The following TLN2 variants were observed in gnomAD, a reference collection of about 807,000 sequenced individuals.
The protein encoded by TLN2 is talin 2.
Under a neutral mutation model 294.7 loss-of-function variants are expected in TLN2, and 118 were observed. The observed-to-expected ratio is 0.40, with a 90% CI of 0.34 to 0.47. The LOEUF is 0.47. Among genes scored for constraint, TLN2 ranks in the 20% least tolerant of loss-of-function variants. The pLI is 0.84. For synonymous variants in TLN2, 1,431 were observed against 1,304.5 expected (o/e 1.10, Z -2.09); for missense variants, 3,083 against 3,282.2 (o/e 0.94, Z 1.48).
At chr15:62,404,433 T>C (rs556326180) in intron 1 of TLN2, among the ~76,000 whole-genome samples, 1 of 152,284 alleles carries the variant, frequency 6.6e-6, no homozygotes, top group South Asian at 2.1e-4. Flanking sequence ...AGAGTCCACT[T>C]CTTCACAGGG....
At chr15:62,528,517 G>GGTCC (rs2040857991) in intron 1 of TLN2, among the ~76,000 whole-genome samples, 1 of 152,104 alleles carries the variant, frequency 6.6e-6, no homozygotes, top group Admixed American at 6.6e-5. Context: ...CCAGTGGCAT[G>GGTCC]GTCCTGAGGG....
chr15:62,413,465 T>C (rs1182026361), intron 1 of TLN2, among the ~76,000 whole-genome samples: 1 of 152,034 alleles, frequency 6.6e-6, no homozygotes, highest in African/African-American at 2.4e-5. Flanking sequence ...GAAAGAAAAA[T>C]CTCAAGCCAG....
chr15:62,748,791 G>C (rs2061757067), intron 33 of TLN2, among the ~76,000 whole-genome samples: 1 of 152,188 alleles, frequency 6.6e-6, no homozygotes, highest in South Asian at 2.1e-4. Context: ...AAAAATATTG[G>C]AGAGATTATT....
rs1163764539 is a variant in TLN2, at chr15:62,719,886, AGGGCTGTGGTCACCTT to A, written c.2991+12_2991+27del. The stretch of plus-strand genomic sequence containing the variant: ...CCAGCCAGAACTTCCTCCAGGTAAC[AGGGCTGTGGTCACCTT>A]GGGCTCACTCAGAGCCCTCTTCTGG... On this transcript the variant is annotated splice_region_variant and intron_variant, in intron 25 of 58. Coordinates refer to ENST00000636159, the MANE Select transcript of TLN2 (RefSeq NM_015059.3). The A allele has an allele frequency of 1.2e-6, 2 of 1,601,236 alleles. No homozygotes were observed.
At position 62,805,755 on chromosome 15, in the gene TLN2, A is replaced by G. The variant is rs1426036387; in HGVS notation, c.6633A>G (p.Lys2211=). Residue 2211 remains lysine (K), a synonymous_variant, in exon 51 of 59, where the codon AAA becomes AAG. Coordinates refer to ENST00000636159, the MANE Select transcript of TLN2 (RefSeq NM_015059.3). ...TTGCTACTGCCAACCTGAGCCGGAA[A>G]GCCGTGTCAGATATGTTGACGGCTT... is the stretch of plus-strand genomic sequence containing the variant. ...DVIATANLSR[K]AVSDMLTACK... is the part of the protein sequence containing the mutation. 2 of 1,614,106 alleles carry G rather than the reference A, an allele frequency of 1.2e-6. No homozygotes were observed. Among genetic ancestry groups the G allele is most frequent in the South Asian group, 1.1e-5 (1 of 91,064 alleles).
At chr15:62,545,785 C>T (rs2140535763) in intron 1 of TLN2, among the ~76,000 whole-genome samples, 1 of 152,258 alleles carries the variant, frequency 6.6e-6, no homozygotes, top group South Asian at 2.1e-4. Context: ...GTGGCAGGGC[C>T]TTATTCTGAT....
intron 6 of TLN2, among the ~76,000 whole-genome samples, chr15:62,652,417 C>G (rs538400555): frequency 6.6e-6 from 1 of 152,122 alleles, no homozygotes; most frequent in African/African-American, 2.4e-5. Context: ...CCATTGCTGC[C>G]TTCTATTCTA....
chr15:62,558,140 C>T (rs1260321884), intron 1 of TLN2, among the ~76,000 whole-genome samples: 3 of 152,144 alleles, frequency 2.0e-5, no homozygotes, highest in African/African-American at 4.8e-5. Context: ...TAATTTAAAT[C>T]GTGTTTGTAT....
intron 1 of TLN2, among the ~76,000 whole-genome samples, chr15:62,572,677 C>T (rs901284390): frequency 5.3e-5 from 8 of 152,194 alleles, no homozygotes; most frequent in African/African-American, 1.9e-4. Context: ...GAGTCCGGAT[C>T]GATGCTTCCT....
intron 52 of TLN2, among the ~76,000 whole-genome samples, chr15:62,814,319 AT>A (rs2066914610): frequency 1.3e-5 from 2 of 152,240 alleles, no homozygotes; most frequent in African/African-American, 4.8e-5. Flanking sequence ...GTCATTGTTT[AT>A]TTTATTGACT....
Position 62,806,930 on chromosome 15 carries a change from G to C in TLN2, c.6663+1145G>C, listed in dbSNP as rs753947682. Among the ~76,000 whole-genome samples, 191 of 152,266 alleles carry C rather than the reference G, an allele frequency of 1.3e-3. 1 individual carries two copies. Among genetic ancestry groups the C allele is most frequent in the Middle Eastern group, 3.4e-3 (1 of 294 alleles). Reference sequence around the variant, plus strand: ...GATCCAACTCTTATGGCTTCTTGGTGGCTCCTCAGAAGGAGAGGGAGGTAA... The same window carrying C: ...GATCCAACTCTTATGGCTTCTTGGTCGCTCCTCAGAAGGAGAGGGAGGTAA... On this transcript the variant is annotated intron_variant, in intron 51 of 58. Transcript: ENST00000636159.
chr15:62,428,639 A>G (rs2034846059), intron 1 of TLN2, among the ~76,000 whole-genome samples: 1 of 152,124 alleles, frequency 6.6e-6, no homozygotes, highest in Non-Finnish European at 1.5e-5. Flanking sequence ...CCCACAACTG[A>G]ATGTGGTAAA....
At chr15:62,823,487 C>A (rs2067758622) in intron 54 of TLN2, among the ~76,000 whole-genome samples, 1 of 152,182 alleles carries the variant, frequency 6.6e-6, no homozygotes. Context: ...ATCCCTATAA[C>A]CCTACCCTGG....
chr15:62,699,005 T>G (rs149457751), intron 16 of TLN2, 138 bp downstream of exon 16: 13 of 821,054 alleles, frequency 1.6e-5, no homozygotes, highest in Middle Eastern at 5.1e-4. Context: ...GGATATTGAG[T>G]CTTTGCCTCT....
chr15:62,597,611 C>G (rs970638687), intron 2 of TLN2, among the ~76,000 whole-genome samples: 3 of 152,160 alleles, frequency 2.0e-5, no homozygotes, highest in African/African-American at 7.2e-5. Flanking sequence ...CAGGGCTCAG[C>G]AAATGCCAGT....
intron 1 of TLN2, among the ~76,000 whole-genome samples, chr15:62,548,673 C>G (rs1170839090): frequency 6.6e-6 from 1 of 152,120 alleles, no homozygotes. Context: ...CCTGTTCATC[C>G]CACAGCTAAT....
At chr15:62,659,128 C>T (rs1192375382) in intron 9 of TLN2, among the ~76,000 whole-genome samples, 1 of 152,212 alleles carries the variant, frequency 6.6e-6, no homozygotes, top group Non-Finnish European at 1.5e-5. Context: ...CCACCATGGT[C>T]ATTTTATTAG....
intron 3 of TLN2, among the ~76,000 whole-genome samples, chr15:62,626,048 T>C (rs2049261037): frequency 6.6e-6 from 1 of 152,204 alleles, no homozygotes; most frequent in African/African-American, 2.4e-5. Context: ...TCCTATACCC[T>C]TGACTTCCAG....
intron 2 of TLN2, 46 bp downstream of exon 2, chr15:62,589,808 C>T (rs2045940524): frequency 6.6e-6 from 1 of 152,138 alleles, no homozygotes; most frequent in Admixed American, 6.5e-5. Flanking sequence ...ATTGGCCAAT[C>T]CCCTGCATTG....
Sources: allele counts gnomAD v4.1 joint callset (sites outside exome capture counted in the v4.1 genomes callset), GRCh38; gene constraint gnomAD v4.1.1; transcripts MANE v1.5; gene names NCBI Gene and HGNC (gene_info 2026-07-23, HGNC 2026-07-21).